Variants in RPL7L1 observed in about 807,000 individuals in gnomAD.
RPL7L1 encodes ribosomal protein L7 like 1.
A neutral mutation model predicts 30.3 loss-of-function variants in RPL7L1; 20 were observed. That is an observed-to-expected ratio of 0.66 (90% CI 0.46 to 0.96). The LOEUF (loss-of-function observed/expected upper bound fraction) is 0.96. RPL7L1 is among the 40% of genes least tolerant of loss of function. The pLI, the probability that RPL7L1 is intolerant of heterozygous loss-of-function variation, is 0.00. For missense variants in RPL7L1, 271 were observed against 314.9 expected, an observed-to-expected ratio of 0.86 and a Z score of 1.05; for synonymous variants, 107 against 110.1, an observed-to-expected ratio of 0.97 and a Z score of 0.18.
intron 4 of RPL7L1, among the ~76,000 whole-genome samples, chr6:42,885,142 A>G (rs1331414556): frequency 1.3e-5 from 2 of 152,054 alleles, no homozygotes; most frequent in East Asian, 3.9e-4. Flanking sequence ...GGGTCAGGAG[A>G]TTGAGACCAT....
At chr6:42,885,545 C>T (rs1253839351) in intron 4 of RPL7L1, 1 of 161,380 alleles carries the variant, frequency 6.2e-6, no homozygotes, top group Admixed American at 5.9e-5. Context: ...GCACTCCAGC[C>T]TGGGAGACTG....
In RPL7L1 at chr6:42,885,750, C is replaced by T. The variant is rs566619378; in HGVS notation, c.450-224C>T. ...TGTTGGCAATATTTTCCCTGGTGAA[C>T]ATTTACATCCATAAATTTAAATTTC... is the stretch of plus-strand genomic sequence containing the variant. On this transcript the variant is annotated intron_variant, in intron 4 of 5. Coordinates refer to ENST00000493763, the MANE Select transcript of RPL7L1 (RefSeq NM_001366481.3). The T allele has an allele frequency of 1.7e-5, 8 of 457,370 alleles. No homozygotes were observed. In the Admixed American group the frequency reaches 2.7e-4, roughly 15 times the overall value. The allele number at this position is 457,370 out of a possible 1,614,324, so 28.3% of individuals were successfully genotyped here. A position where few individuals can be genotyped will look rare whatever the true frequency, so the allele number is the denominator to read the frequency against.
Position 42,886,931 on chromosome 6 carries a change from TTG to T in RPL7L1, c.*468_*469del, listed in dbSNP as rs1766289518. The T allele has an allele frequency of 6.4e-6, 1 of 155,254 alleles. No individual in the cohort carries two copies. The highest frequency in any genetic ancestry group is 1.4e-5 in the Non-Finnish European group (1 of 70,976). The allele number at this position is 155,254 out of a possible 1,614,324, so 9.6% of individuals were successfully genotyped here. ...ATCGCTTGAACCCAGGAGGCAGAGA[TTG>T]CAGTGAGCCAAGATTGCACCAGTGC... On this transcript the variant is annotated 3_prime_UTR_variant, in exon 6 of 6. Coordinates refer to ENST00000493763, the MANE Select transcript of RPL7L1 (RefSeq NM_001366481.3).
At chr6:42,880,095 T>A in intron 1 of RPL7L1, 144 bp downstream of exon 1, 2 of 830,634 alleles carry the variant, frequency 2.4e-6, no homozygotes, top group Non-Finnish European at 4.1e-6. Flanking sequence ...TGAGGAGGAG[T>A]AGCGCTGTGG....
Position 42,879,890 on chromosome 6 carries a change from C to T in RPL7L1, c.-21C>T. 6.2e-7 allele frequency: 1 copy of T among 1,613,316 alleles called. No homozygotes were observed. On this transcript the variant is annotated 5_prime_UTR_variant, in exon 1 of 6. Transcript: ENST00000493763. The stretch of plus-strand genomic sequence containing the variant: ...AAGTAAACAGAGCGTGTGCTGTCTT[C>T]CCCATGTGGTGGGGTTGCGCATGAT...
Position 42,883,551 on chromosome 6 carries a change from T to C in RPL7L1, c.248T>C (p.Val83Ala). The C allele has an allele frequency of 6.2e-7, 1 of 1,609,522 alleles. No homozygotes were observed. The highest frequency in any genetic ancestry group is 8.5e-7 in the Non-Finnish European group (1 of 1,178,154). ...RDKVRLRRLE[V>A]KPHALELPDK... is the part of the protein sequence containing the mutation. ...AAGGTGCGTCTCAGACGACTAGAAG[T>C]GAAACCTCATGCCTTGGAATTGCCA... The change falls in exon 3 of 6, where the codon GTG becomes GCG. Residue 83 changes from valine (V) to alanine (A), a missense_variant. Transcript: ENST00000493763.
rs984129895 is a variant in RPL7L1, at chr6:42,889,879, T to C, written c.*3415T>C. On this transcript the variant is annotated 3_prime_UTR_variant, in exon 6 of 6. Coordinates refer to ENST00000493763, the MANE Select transcript of RPL7L1 (RefSeq NM_001366481.3). The stretch of plus-strand genomic sequence containing the variant: ...TTTATAATTGTATACAAATAAAAGA[T>C]GTTACAAAAATTGCGCACTTATATG... 3.3e-5 allele frequency: 5 copies of C among 152,228 alleles called. No individual in the cohort carries two copies. Among genetic ancestry groups the C allele is most frequent in the African/African-American group, 1.2e-4 (5 of 41,464 alleles). The allele number at this position is 152,228 out of a possible 1,614,324, so 9.4% of individuals were successfully genotyped here.
rs1392087048 is a variant in RPL7L1, at chr6:42,879,837, G to A, written c.-74G>A. 4 of 1,514,990 alleles carry A rather than the reference G, an allele frequency of 2.6e-6. No homozygotes were observed. Among genetic ancestry groups the A allele is most frequent in the South Asian group, 1.1e-5 (1 of 88,818 alleles). 93.8% of individuals were successfully genotyped at this position (1,514,990 alleles called of 1,614,324 possible). A position where few individuals can be genotyped will look rare whatever the true frequency, so the allele number is the denominator to read the frequency against. On this transcript the variant is annotated 5_prime_UTR_variant, in exon 1 of 6. The change creates a new upstream start codon in the 5' untranslated region. Transcript: ENST00000493763. ...AGTGAACGCTGACTGGTCCTCCAGC[G>A]TGAGCTAGAACAGACGTCTCTATGG...
chr6:42,886,510 A>G lies in RPL7L1; in HGVS notation c.*46A>G, dbSNP rs1474295366. On this transcript the variant is annotated 3_prime_UTR_variant, in exon 6 of 6. Coordinates refer to ENST00000493763, the MANE Select transcript of RPL7L1 (RefSeq NM_001366481.3). ...AAAACTGCCCTTGGGCTGACTTTTG[A>G]TAGGCCATGCCTTGCCACTTTACAA... The G allele has an allele frequency of 2.3e-6, 2 of 884,284 alleles. No homozygotes were observed. The allele number at this position is 884,284 out of a possible 1,614,324, so 54.8% of individuals were successfully genotyped here.
intron 1 of RPL7L1, among the ~76,000 whole-genome samples, chr6:42,880,185 C>T (rs1367148561): frequency 6.6e-6 from 1 of 152,086 alleles, no homozygotes; most frequent in East Asian, 1.9e-4. Flanking sequence ...GCTGGAGTGC[C>T]ACAGTTGAAT....
rs1025201899 is a variant in RPL7L1 at position 42,879,761 on chromosome 6, A to G, written c.-150A>G. 22 of 740,918 alleles carry G rather than the reference A, an allele frequency of 3.0e-5. No homozygotes were observed. The highest frequency in any genetic ancestry group is 1.3e-4 in the Admixed American group (6 of 45,618). 45.9% of individuals were successfully genotyped at this position (740,918 alleles called of 1,614,324 possible). On this transcript the variant is annotated 5_prime_UTR_variant, in exon 1 of 6. Transcript: ENST00000493763. ...TCTAAAAACCCTAAGAAGCGGTGCA[A>G]CTTTTGGCAGGAATCGGGGTTAGCG...
chr6:42,885,268 T>G (rs1766218880), intron 4 of RPL7L1, among the ~76,000 whole-genome samples: 1 of 149,352 alleles, frequency 6.7e-6, no homozygotes, highest in Admixed American at 6.7e-5. Flanking sequence ...GAGAATCGCT[T>G]GAATCCATGA....
At chr6:42,880,808 C>T (rs1766044873) in intron 1 of RPL7L1, 53 bp from the exon 2 acceptor site, 5 of 1,065,254 alleles carry the variant, frequency 4.7e-6, no homozygotes, top group Middle Eastern at 2.6e-4. Flanking sequence ...CCACCGAGCC[C>T]GGCCAAGTGT....
In RPL7L1 at chr6:42,880,852, C is replaced by T; in HGVS notation, c.42-9C>T. On this transcript the variant is annotated splice_polypyrimidine_tract_variant and intron_variant, in intron 1 of 5. Transcript: ENST00000493763. ...AAATGTTATCTCTGATCTCAATTTT[C>T]TGCATCAGGCAAAGAAAAATCCCTT... 6.6e-7 allele frequency: 1 copy of T among 1,504,544 alleles called. No individual in the cohort carries two copies. The highest frequency in any genetic ancestry group is 9.2e-7 in the Non-Finnish European group (1 of 1,082,896). 93.2% of individuals were successfully genotyped at this position (1,504,544 alleles called of 1,614,324 possible).
chr6:42,885,571 C>CA (rs879641374), intron 4 of RPL7L1: 3,016 of 136,264 alleles, frequency 0.022, 25 homozygotes, highest in Admixed American at 0.036. Context: ...GACTCCGTCT[C>CA]AAAAAAAAAA....
intron 2 of RPL7L1, chr6:42,881,272 T>C (rs1766068286): frequency 5.8e-6 from 1 of 172,462 alleles, no homozygotes; most frequent in Non-Finnish European, 1.2e-5. Context: ...GAGACCATCC[T>C]GGCTAACACG....
chr6:42,885,767 T>G, intron 4 of RPL7L1: 1 of 489,100 alleles, frequency 2.0e-6, no homozygotes. Context: ...ATCCATAAAT[T>G]TAAATTTCTA....
chr6:42,887,185 T>A lies in RPL7L1; in HGVS notation c.*721T>A, dbSNP rs894676507. 6.6e-6 allele frequency: 1 copy of A among 152,208 alleles called. No homozygotes were observed. The highest frequency in any genetic ancestry group is 2.4e-5 in the African/African-American group (1 of 41,452). The allele number at this position is 152,208 out of a possible 1,614,324, so 9.4% of individuals were successfully genotyped here. A position where few individuals can be genotyped will look rare whatever the true frequency, so the allele number is the denominator to read the frequency against. On this transcript the variant is annotated 3_prime_UTR_variant, in exon 6 of 6. Coordinates refer to ENST00000493763, the MANE Select transcript of RPL7L1 (RefSeq NM_001366481.3). ...GTGCCAAACTGCGGTAAATTTTTTA[T>A]CAGTGAAGTGGAAGCATGTGTTTTG...
At position 42,886,519 on chromosome 6, in the gene RPL7L1, G is replaced by C. The variant is rs546862778; in HGVS notation, c.*55G>C. The C allele has an allele frequency of 2.0e-5, 16 of 801,022 alleles. No homozygotes were observed. In the East Asian group the frequency reaches 4.2e-4, roughly 21 times the overall value. The allele number at this position is 801,022 out of a possible 1,614,324, so 49.6% of individuals were successfully genotyped here. ...CTTGGGCTGACTTTTGATAGGCCAT[G>C]CCTTGCCACTTTACAAGTTCTTTTT... is the stretch of plus-strand genomic sequence containing the variant. On this transcript the variant is annotated 3_prime_UTR_variant, in exon 6 of 6. Transcript: ENST00000493763.
Sources: gnomAD v4.1 joint callset for allele counts (sites outside exome capture counted in the v4.1 genomes callset) on GRCh38, gnomAD v4.1.1 for gene constraint, MANE v1.5 for transcripts, NCBI Gene and HGNC (gene_info 2026-07-23, HGNC 2026-07-21) for gene names.